The following CDH18 variants were observed in gnomAD, a reference collection of about 807,000 sequenced individuals.
CDH18 encodes cadherin-18.
In CDH18, 31 loss-of-function variants were observed where a neutral mutation model predicts 67.9. The observed-to-expected ratio is 0.46, with a 90% confidence interval of 0.34 to 0.62. The LOEUF (loss-of-function observed/expected upper bound fraction) is 0.62. Among genes scored for constraint, CDH18 ranks in the 20% least tolerant of loss-of-function variants. The pLI, the probability that CDH18 is intolerant of heterozygous loss-of-function variation, is 0.01. For missense variants in CDH18, 890 were observed against 975.5 expected (o/e 0.91, Z 1.17); for synonymous variants, 362 against 347.2 (o/e 1.04, Z -0.48).
chr5:20,223,668 T>C lies in CDH18; in HGVS notation c.-518+31776A>G, dbSNP rs188070528. 6.8e-3 allele frequency among the ~76,000 whole-genome samples: 1,036 copies of C among 152,218 alleles called. 8 individuals carry two copies. The highest frequency in any genetic ancestry group is 0.02 in the Middle Eastern group (6 of 294). On this transcript the variant is annotated intron_variant, in intron 2 of 14. Transcript: ENST00000507958. The stretch of plus-strand genomic sequence containing the variant: ...TGGGAGGAATCTAGTGGGAGGTAAT[T>C]GATTCATGGGGGTGAGTCTTTCCTG...
At chr5:20,248,304 T>C (rs1233178276) in intron 2 of CDH18, among the ~76,000 whole-genome samples, 1 of 152,206 alleles carries the variant, frequency 6.6e-6, no homozygotes, top group African/African-American at 2.4e-5. Flanking sequence ...AATAATACTG[T>C]TCATCAACAA....
intron 2 of CDH18, among the ~76,000 whole-genome samples, chr5:20,146,391 A>C (rs563653300): frequency 6.6e-6 from 1 of 152,064 alleles, no homozygotes; most frequent in Non-Finnish European, 1.5e-5. Flanking sequence ...TTTTTAGAGA[A>C]AGGAACGCTA....
chr5:20,101,717 A>C (rs1746483679), intron 2 of CDH18, among the ~76,000 whole-genome samples: 1 of 152,202 alleles, frequency 6.6e-6, no homozygotes, highest in African/African-American at 2.4e-5. Context: ...TGCCAGTTTA[A>C]GTCACAAATG....
intron 3 of CDH18, among the ~76,000 whole-genome samples, chr5:19,835,499 A>C (rs909281582): frequency 1.3e-5 from 2 of 152,074 alleles, no homozygotes; most frequent in Admixed American, 1.3e-4. Context: ...AGAAGAAATA[A>C]AGAAAAAAAA....
At chr5:19,671,844 C>T (rs1758794720) in intron 5 of CDH18, among the ~76,000 whole-genome samples, 1 of 151,964 alleles carries the variant, frequency 6.6e-6, no homozygotes, top group Admixed American at 6.6e-5. Context: ...ATAAGGCAGG[C>T]CAAAAGCATT....
chr5:20,512,096 G>A lies in CDH18; in HGVS notation c.-580+63366C>T, dbSNP rs565090712. Among the ~76,000 whole-genome samples the A allele has an allele frequency of 4.0e-5, 6 of 151,788 alleles. 1 individual carries two copies. The highest frequency in any genetic ancestry group is 1.2e-4 in the African/African-American group (5 of 41,340). Reference sequence around the variant, plus strand: ...AAATTAGTTGGGTGTGCTGGCAGGCGCATGTAATCCCAGCTACTCGGGAGG... The same window carrying A: ...AAATTAGTTGGGTGTGCTGGCAGGCACATGTAATCCCAGCTACTCGGGAGG... On this transcript the variant is annotated intron_variant, in intron 1 of 14. Transcript: ENST00000507958.
At chr5:20,351,158 ATT>A (rs1240012604) in intron 1 of CDH18, among the ~76,000 whole-genome samples, 2 of 112,550 alleles carry the variant, frequency 1.8e-5, no homozygotes, top group African/African-American at 4.4e-5. Flanking sequence ...TAGTAAATGT[ATT>A]TGTGTGTGTG....
At chr5:20,221,899 T>A (rs1741256303) in intron 2 of CDH18, among the ~76,000 whole-genome samples, 1 of 152,164 alleles carries the variant, frequency 6.6e-6, no homozygotes. Flanking sequence ...CAAGTTGAAG[T>A]ATTCTTTCTT....
At chr5:20,381,645 G>A (rs1051467039) in intron 1 of CDH18, among the ~76,000 whole-genome samples, 1 of 151,994 alleles carries the variant, frequency 6.6e-6, no homozygotes, top group African/African-American at 2.4e-5. Flanking sequence ...AAATGTCTGG[G>A]ACTTAATAAA....
chr5:20,424,417 T>G (rs67932726), intron 1 of CDH18, among the ~76,000 whole-genome samples: 61,909 of 150,328 alleles, frequency 0.41, 14,887 homozygotes, highest in Non-Finnish European at 0.52. Flanking sequence ...ATCTTTTTTT[T>G]TTGTTTCCAA....
intron 1 of CDH18, among the ~76,000 whole-genome samples, chr5:20,266,822 G>A (rs1393249156): frequency 6.6e-6 from 1 of 151,930 alleles, no homozygotes; most frequent in African/African-American, 2.4e-5. Context: ...TGGAAGGTGT[G>A]CACTTATGTT....
chr5:19,773,483 A>C (rs1388889306), intron 3 of CDH18, among the ~76,000 whole-genome samples: 1 of 152,204 alleles, frequency 6.6e-6, no homozygotes, highest in African/African-American at 2.4e-5. Flanking sequence ...AGGAGACTAA[A>C]GAAAAGTGAA....
In CDH18 at chr5:20,305,650, G is replaced by T. The variant is rs554124391; in HGVS notation, c.-579-50145C>A. 9.2e-5 allele frequency: 39 copies of T among 425,662 alleles called. No individual in the cohort carries two copies. In the East Asian group the frequency reaches 1.0e-3, roughly 11 times the overall value. 26.4% of individuals were successfully genotyped at this position (425,662 alleles called of 1,614,324 possible). On this transcript the variant is annotated intron_variant, in intron 1 of 14. Transcript: ENST00000507958. ...GACTCAAACGCCATGTCCGGGGGGT[G>T]GGGGGAGCGGCGGTAGGGGAGATCC...
intron 1 of CDH18, among the ~76,000 whole-genome samples, chr5:20,353,938 G>T (rs1390448704): frequency 1.3e-5 from 2 of 152,246 alleles, no homozygotes; most frequent in East Asian, 3.9e-4. Flanking sequence ...GTTCTTAAAG[G>T]CTTCTCGGTC....
At chr5:19,742,841 G>A (rs1769401553) in intron 4 of CDH18, among the ~76,000 whole-genome samples, 2 of 151,964 alleles carry the variant, frequency 1.3e-5, no homozygotes, top group Admixed American at 1.3e-4. Context: ...GATAAAAAAA[G>A]TAATTTTATC....
intron 2 of CDH18, among the ~76,000 whole-genome samples, chr5:20,123,805 A>G (rs887167867): frequency 1.3e-5 from 2 of 149,894 alleles, no homozygotes; most frequent in Non-Finnish European, 3.0e-5. Context: ...GGAGAATGGC[A>G]TGAACCCGGA....
chr5:20,021,063 G>A (rs1274604438), intron 2 of CDH18, among the ~76,000 whole-genome samples: 2 of 152,078 alleles, frequency 1.3e-5, no homozygotes, highest in African/African-American at 4.8e-5. Flanking sequence ...TGGAGTCAAA[G>A]GAGATTATTT....
At chr5:20,559,315 G>C (rs1397500110) in intron 1 of CDH18, among the ~76,000 whole-genome samples, 7 of 151,898 alleles carry the variant, frequency 4.6e-5, no homozygotes, top group Non-Finnish European at 1.0e-4. Flanking sequence ...AATAATACAA[G>C]GATTAAATCA....
At chr5:19,549,387 A>G (rs941045508) in intron 8 of CDH18, among the ~76,000 whole-genome samples, 1 of 152,132 alleles carries the variant, frequency 6.6e-6, no homozygotes, top group Non-Finnish European at 1.5e-5. Context: ...AGATGCTGGC[A>G]CCATGCTTCC....
Sources: gnomAD v4.1 joint callset for allele counts (sites outside exome capture counted in the v4.1 genomes callset) on GRCh38, gnomAD v4.1.1 for gene constraint, MANE v1.5 for transcripts, NCBI Gene and HGNC (gene_info 2026-07-23, HGNC 2026-07-21) for gene names.